PTPRD: variants seen among roughly 807,000 people sequenced by gnomAD.
The protein encoded by PTPRD is receptor-type tyrosine-protein phosphatase delta.
In PTPRD, 34 loss-of-function variants were observed where a neutral mutation model predicts 214.5. That is an observed-to-expected ratio of 0.16 (90% confidence interval 0.12 to 0.21). The LOEUF (loss-of-function observed/expected upper bound fraction) is 0.21. PTPRD is among the 10% of genes least tolerant of loss of function. PTPRD has a pLI of 1.00. For synonymous variants in PTPRD, 1,128 were observed against 845.7 expected (o/e 1.33, Z -5.79); for missense variants, 2,545 against 2,398.7 (o/e 1.06, Z -1.27).
chr9:10,345,201 AAAT>A (rs1035436375), intron 2 of PTPRD, among the ~76,000 whole-genome samples: 202 of 152,306 alleles, frequency 1.3e-3, no homozygotes, highest in African/African-American at 4.5e-3. Context: ...TATAAATTTT[AAAT>A]AATATTTCAG....
intron 10 of PTPRD, among the ~76,000 whole-genome samples, chr9:9,103,497 T>C (rs540172160): frequency 6.6e-6 from 1 of 152,274 alleles, no homozygotes; most frequent in Non-Finnish European, 1.5e-5. Flanking sequence ...TAAATGAGAA[T>C]GTATTATTTT....
chr9:10,503,010 A>C (rs1245490417), intron 2 of PTPRD, among the ~76,000 whole-genome samples: 1 of 151,860 alleles, frequency 6.6e-6, no homozygotes, highest in Non-Finnish European at 1.5e-5. Flanking sequence ...TATTTTGAAA[A>C]CTTTAATCAT....
intron 11 of PTPRD, among the ~76,000 whole-genome samples, chr9:8,897,999 C>A (rs1180647048): frequency 6.6e-6 from 1 of 152,194 alleles, no homozygotes; most frequent in African/African-American, 2.4e-5. Context: ...ATTCATGACA[C>A]ATTTTCTCTG....
At chr9:9,047,017 A>C (rs1390303818) in intron 10 of PTPRD, among the ~76,000 whole-genome samples, 2 of 152,116 alleles carry the variant, frequency 1.3e-5, no homozygotes, top group Non-Finnish European at 2.9e-5. Context: ...ATTTGGAAAA[A>C]CCTACAGATT....
intron 7 of PTPRD, among the ~76,000 whole-genome samples, chr9:9,616,441 C>A (rs1008453345): frequency 2.6e-5 from 4 of 151,792 alleles, no homozygotes; most frequent in African/African-American, 9.7e-5. Flanking sequence ...ATCTAGGATA[C>A]GACCCCACTT....
chr9:9,819,461 A>G (rs1483649954), intron 5 of PTPRD, among the ~76,000 whole-genome samples: 1 of 152,166 alleles, frequency 6.6e-6, no homozygotes, highest in Non-Finnish European at 1.5e-5. Flanking sequence ...TACTGCATAT[A>G]TTGCTGTAAT....
At chr9:9,835,407 G>A (rs1280471358) in intron 5 of PTPRD, among the ~76,000 whole-genome samples, 1 of 152,046 alleles carries the variant, frequency 6.6e-6, no homozygotes, top group African/African-American at 2.4e-5. Context: ...GCAAAAGAAG[G>A]CTTTCTAACT....
intron 8 of PTPRD, among the ~76,000 whole-genome samples, chr9:9,505,359 A>G (rs916765286): frequency 3.3e-5 from 5 of 151,454 alleles, no homozygotes; most frequent in Admixed American, 1.3e-4. Flanking sequence ...CTACTTTGCC[A>G]TCAGAATTTT....
intron 11 of PTPRD, among the ~76,000 whole-genome samples, chr9:8,761,070 A>G (rs890441068): frequency 2.0e-5 from 3 of 152,244 alleles, no homozygotes; most frequent in Non-Finnish European, 4.4e-5. Context: ...GTGTCAGCAG[A>G]TGACTGTGGG....
intron 4 of PTPRD, among the ~76,000 whole-genome samples, chr9:9,953,044 G>A (rs117813256): frequency 1.3e-5 from 2 of 152,138 alleles, no homozygotes; most frequent in East Asian, 3.9e-4. Context: ...GCAGAAATTA[G>A]TATCAACATC....
At chr9:9,764,713 A>C (rs1346491072) in intron 6 of PTPRD, among the ~76,000 whole-genome samples, 1 of 152,154 alleles carries the variant, frequency 6.6e-6, no homozygotes, top group Non-Finnish European at 1.5e-5. Context: ...ATTGTTAATA[A>C]ATTCATTTTA....
At chr9:8,978,520 C>T (rs2099281429) in intron 11 of PTPRD, among the ~76,000 whole-genome samples, 1 of 151,916 alleles carries the variant, frequency 6.6e-6, no homozygotes, top group Non-Finnish European at 1.5e-5. Context: ...TTGAGAAAGG[C>T]GCCCTCTTTA....
intron 10 of PTPRD, among the ~76,000 whole-genome samples, chr9:9,077,397 T>C (rs912623267): frequency 1.7e-5 from 1 of 60,068 alleles, no homozygotes; most frequent in Non-Finnish European, 4.1e-5. Flanking sequence ...TTATCTTGAA[T>C]AAGCTTAATG....
intron 6 of PTPRD, among the ~76,000 whole-genome samples, chr9:9,751,121 C>T (rs1256226132): frequency 1.2e-4 from 18 of 152,076 alleles, no homozygotes; most frequent in Admixed American, 1.2e-3. Context: ...CACAATAAAA[C>T]AAACAGAAAA....
intron 10 of PTPRD, among the ~76,000 whole-genome samples, chr9:9,122,178 G>A (rs2154464768): frequency 6.6e-6 from 1 of 152,284 alleles, no homozygotes; most frequent in South Asian, 2.1e-4. Context: ...ACAGTGAAAT[G>A]ATGTGTTACA....
chr9:8,734,168 G>T (rs1413892126), intron 11 of PTPRD, among the ~76,000 whole-genome samples: 3 of 152,168 alleles, frequency 2.0e-5, no homozygotes, highest in Non-Finnish European at 4.4e-5. Context: ...TTACGTGGGA[G>T]CTCTCGCATT....
chr9:8,504,139 A>C, intron 23 of PTPRD, 122 bp downstream of exon 23: 1 of 977,000 alleles, frequency 1.0e-6, no homozygotes, highest in South Asian at 1.6e-5. Context: ...AGTGTGATGC[A>C]TACTAACCTA....
intron 3 of PTPRD, among the ~76,000 whole-genome samples, chr9:10,166,074 AATAT>A (rs1228710396): frequency 6.7e-6 from 1 of 150,104 alleles, no homozygotes; most frequent in Non-Finnish European, 1.5e-5. Flanking sequence ...AATAATGCAT[AATAT>A]ATAAATACAT....
chr9:8,886,704 T>A (rs1433356131), intron 11 of PTPRD, among the ~76,000 whole-genome samples: 1 of 152,216 alleles, frequency 6.6e-6, no homozygotes, highest in Non-Finnish European at 1.5e-5. Context: ...TTGACTGTTG[T>A]GTGAAGCAGC....
Sources: allele counts gnomAD v4.1 joint callset (sites outside exome capture counted in the v4.1 genomes callset), GRCh38; gene constraint gnomAD v4.1.1; transcripts MANE v1.5; gene names NCBI Gene and HGNC (gene_info 2026-07-23, HGNC 2026-07-21).